DHX15: variants seen among roughly 807,000 people sequenced by gnomAD.
DHX15 encodes ATP-dependent RNA helicase DHX15.
In DHX15, 11 loss-of-function variants were observed where a neutral mutation model predicts 94.4. The ratio of observed to expected loss-of-function variants is 0.12; its 90% CI spans 0.07 to 0.19. The LOEUF (loss-of-function observed/expected upper bound fraction) is 0.19. DHX15 is among the 10% of genes least tolerant of loss of function. DHX15 has a pLI of 1.00. For synonymous variants in DHX15, 338 were observed against 329.9 expected, an observed-to-expected ratio of 1.02 and a Z score of -0.27; for missense variants, 304 against 988.5, an observed-to-expected ratio of 0.31 and a Z score of 9.29.
At chr4:24,569,775 A>T (rs1464583023) in intron 3 of DHX15, among the ~76,000 whole-genome samples, 4 of 151,444 alleles carry the variant, frequency 2.6e-5, no homozygotes, top group South Asian at 2.1e-4. Flanking sequence ...CTTTTTTTTT[A>T]AAAGAAATGT....
chr4:24,572,976 T>C (rs1722157171), intron 2 of DHX15, among the ~76,000 whole-genome samples: 1 of 152,134 alleles, frequency 6.6e-6, no homozygotes, highest in Non-Finnish European at 1.5e-5. Context: ...AGGGGCGCAA[T>C]CTAGGCTTAC....
intron 2 of DHX15, among the ~76,000 whole-genome samples, chr4:24,574,395 C>T (rs978853403): frequency 1.3e-5 from 2 of 151,990 alleles, no homozygotes; most frequent in African/African-American, 4.8e-5. Context: ...TCAAATCCCC[C>T]AGATGTGCTG....
At chr4:24,554,200 A>G (rs1055804563) in intron 5 of DHX15, among the ~76,000 whole-genome samples, 1 of 152,222 alleles carries the variant, frequency 6.6e-6, no homozygotes. Context: ...CCTGGGCGAC[A>G]GCGCAAGACT....
intron 11 of DHX15, among the ~76,000 whole-genome samples, chr4:24,534,450 T>C (rs1339539854): frequency 6.6e-6 from 1 of 152,198 alleles, no homozygotes; most frequent in East Asian, 1.9e-4. Context: ...AACAAATGAC[T>C]AGTAACTAAC....
At position 24,582,809 on chromosome 4, in the gene DHX15, T is replaced by C. The variant is rs529895205; in HGVS notation, c.71+1514A>G. Among the ~76,000 whole-genome samples, 2 of 152,288 alleles carry C rather than the reference T, an allele frequency of 1.3e-5. 1 individual carries two copies. The highest frequency in any genetic ancestry group is 4.8e-5 in the African/African-American group (2 of 41,564). ...TGCTTCCAGCTCTGAGTCTGTGACATACAGCTCAGAGGTATTAACGTTTTG... is the reference window on the plus strand; with the variant it reads ...TGCTTCCAGCTCTGAGTCTGTGACACACAGCTCAGAGGTATTAACGTTTTG... On this transcript the variant is annotated intron_variant, in intron 1 of 13. Transcript: ENST00000336812.
chr4:24,556,124 A>C, intron 4 of DHX15, 127 bp downstream of exon 4: 1 of 671,518 alleles, frequency 1.5e-6, no homozygotes, highest in Non-Finnish European at 2.4e-6. Context: ...ACAAAACAAG[A>C]AGGTACTTAC....
intron 1 of DHX15, among the ~76,000 whole-genome samples, chr4:24,581,116 C>T (rs1179203926): frequency 6.6e-6 from 1 of 151,674 alleles, no homozygotes; most frequent in East Asian, 1.9e-4. Flanking sequence ...CTGCAAGCTC[C>T]GCCTCCCGGG....
chr4:24,582,324 T>C (rs892687244), intron 1 of DHX15, among the ~76,000 whole-genome samples: 2 of 152,230 alleles, frequency 1.3e-5, no homozygotes, highest in African/African-American at 4.8e-5. Flanking sequence ...AAGGGAATCA[T>C]AAAGCTACCA....
intron 5 of DHX15, among the ~76,000 whole-genome samples, chr4:24,549,327 A>AC (rs1721534003): frequency 6.6e-6 from 1 of 152,312 alleles, no homozygotes; most frequent in African/African-American, 2.4e-5. Context: ...GAAATTTCTC[A>AC]CTCAGGAATA....
chr4:24,527,852 A>G lies in DHX15; in HGVS notation c.*72T>C. 9.1e-7 allele frequency: 1 copy of G among 1,100,134 alleles called. No homozygotes were observed. The highest frequency in any genetic ancestry group is 1.4e-6 in the Non-Finnish European group (1 of 719,940). The allele number at this position is 1,100,134 out of a possible 1,614,324, so 68.1% of individuals were successfully genotyped here. ...CCATTATCGAACCAACGTGAAGAGC[A>G]CAACTCGAACTTTTGAGTTCATTCA... On this transcript the variant is annotated 3_prime_UTR_variant, in exon 14 of 14. Coordinates refer to ENST00000336812, the MANE Select transcript of DHX15 (RefSeq NM_001358.3).
At chr4:24,571,081 C>T (rs1722110923) in intron 2 of DHX15, among the ~76,000 whole-genome samples, 1 of 152,206 alleles carries the variant, frequency 6.6e-6, no homozygotes, top group Admixed American at 6.5e-5. Flanking sequence ...CAGGAATACA[C>T]TCGACAGTGT....
At position 24,542,936 on chromosome 4, in the gene DHX15, G is replaced by A. The variant is rs1273318825; in HGVS notation, c.1335+4C>T. 1 of 1,608,452 alleles carries A rather than the reference G, an allele frequency of 6.2e-7. No homozygotes were observed. Among genetic ancestry groups the A allele is most frequent in the African/African-American group, 1.3e-5 (1 of 74,760 alleles). ...AATTTATAAAGTATCCACTAAATAT[G>A]TACCTTCTGTTTCGCAAATCCAGGA... On this transcript the variant is annotated splice_donor_region_variant and intron_variant, in intron 7 of 13. Transcript: ENST00000336812.
chr4:24,563,322 G>A (rs1349953986), intron 3 of DHX15: 1 of 152,120 alleles, frequency 6.6e-6, no homozygotes, highest in Non-Finnish European at 1.5e-5. Flanking sequence ...GGGGCAACCT[G>A]ATAGTCCCCC....
intron 5 of DHX15, among the ~76,000 whole-genome samples, chr4:24,551,559 A>G (rs1435022729): frequency 6.6e-6 from 1 of 152,308 alleles, no homozygotes; most frequent in African/African-American, 2.4e-5. Context: ...TGAAATCTCA[A>G]GTTTCTAAAA....
chr4:24,566,067 G>C (rs887332848), intron 3 of DHX15, among the ~76,000 whole-genome samples: 5 of 94,174 alleles, frequency 5.3e-5, no homozygotes, highest in African/African-American at 1.8e-4. Flanking sequence ...TAAGAGAGAT[G>C]GAGTCTTGCT....
chr4:24,532,280 C>T (rs963304664), intron 12 of DHX15, among the ~76,000 whole-genome samples: 4 of 152,130 alleles, frequency 2.6e-5, no homozygotes, highest in South Asian at 4.1e-4. Flanking sequence ...ACTCAACAGA[C>T]GTTTTTGGCT....
At chr4:24,540,072 G>A (rs773574555) in intron 10 of DHX15, 36 bp downstream of exon 10, 12 of 1,428,020 alleles carry the variant, frequency 8.4e-6, no homozygotes, top group Non-Finnish European at 1.1e-5. Context: ...AAACTTTGAA[G>A]AGCTGGGCTT....
chr4:24,580,092 A>G (rs1722375010), intron 1 of DHX15, among the ~76,000 whole-genome samples: 1 of 152,088 alleles, frequency 6.6e-6, no homozygotes, highest in Non-Finnish European at 1.5e-5. Context: ...AGATCTTTTT[A>G]AGTTCTAATA....
intron 6 of DHX15, among the ~76,000 whole-genome samples, chr4:24,545,541 A>G (rs1721404924): frequency 6.6e-6 from 1 of 152,226 alleles, no homozygotes; most frequent in South Asian, 2.1e-4. Context: ...CCTAAAATAC[A>G]AGTGTTAAAT....
Sources: allele counts gnomAD v4.1 joint callset (sites outside exome capture counted in the v4.1 genomes callset), GRCh38; gene constraint gnomAD v4.1.1; transcripts MANE v1.5; gene names NCBI Gene and HGNC (gene_info 2026-07-23, HGNC 2026-07-21).